The following ZNF507 variants were observed in gnomAD, a reference collection of about 807,000 sequenced individuals.
The protein encoded by ZNF507 is zinc finger protein 507.
ZNF507 carries 29 observed loss-of-function variants against 80.0 expected under a neutral mutation model. That is an observed-to-expected ratio of 0.36 (90% CI 0.27 to 0.49). The LOEUF (loss-of-function observed/expected upper bound fraction) is 0.49, where lower values mean the gene tolerates loss of function less well. Ranked by LOEUF, ZNF507 falls within the 20% of genes least tolerant of loss-of-function variation. The pLI is 0.98. For missense variants in ZNF507, 1,081 were observed against 1,152.2 expected (o/e 0.94, Z 0.90); for synonymous variants, 462 against 422.5 (o/e 1.09, Z -1.15).
At chr19:32,378,179 C>T (rs746498284) in intron 5 of ZNF507, among the ~76,000 whole-genome samples, 26 of 152,088 alleles carry the variant, frequency 1.7e-4, no homozygotes, top group Non-Finnish European at 3.1e-4. Flanking sequence ...ATGACGAAAC[C>T]CCATCTCTAC....
rs1056999609 is a variant in ZNF507 at position 32,371,763 on chromosome 19, C to T, written c.2361-10704C>T. 2.6e-5 allele frequency among the ~76,000 whole-genome samples: 4 copies of T among 151,648 alleles called. No individual in the cohort carries two copies. The East Asian group carries it at 5.9e-4, about 22-fold the overall frequency. On this transcript the variant is annotated intron_variant, in intron 5 of 6. Transcript: ENST00000355898. ...CACGCCATTCTCCTGCCTCAGCCTC[C>T]CAAGTAGCTGGGATTACAGGCGCCC...
At chr19:32,380,831 A>T (rs1325274268) in intron 5 of ZNF507, among the ~76,000 whole-genome samples, 1 of 152,146 alleles carries the variant, frequency 6.6e-6, no homozygotes, top group South Asian at 2.1e-4. Context: ...TGGGAAGCTG[A>T]GGCAAGAGGA....
chr19:32,377,679 G>A (rs1413631793), intron 5 of ZNF507, among the ~76,000 whole-genome samples: 1 of 152,184 alleles, frequency 6.6e-6, no homozygotes, highest in Non-Finnish European at 1.5e-5. Flanking sequence ...ATAGGTGGGT[G>A]AGAATAGACA....
chr19:32,377,080 T>C (rs1489708836), intron 5 of ZNF507, among the ~76,000 whole-genome samples: 2 of 151,996 alleles, frequency 1.3e-5, no homozygotes, highest in African/African-American at 2.4e-5. Context: ...CACAGGGAGA[T>C]GGTTAGGCCT....
intron 5 of ZNF507, among the ~76,000 whole-genome samples, chr19:32,377,600 G>C (rs1328264358): frequency 6.6e-6 from 1 of 152,134 alleles, no homozygotes; most frequent in African/African-American, 2.4e-5. Flanking sequence ...CGGCACCTAG[G>C]TGGCTTGCTG....
At chr19:32,349,261 C>G (rs1967132632) in intron 2 of ZNF507, among the ~76,000 whole-genome samples, 1 of 152,178 alleles carries the variant, frequency 6.6e-6, no homozygotes, top group Non-Finnish European at 1.5e-5. Context: ...AACCAGAAGG[C>G]AGAGGACAGG....
At chr19:32,368,888 C>T (rs1967433804) in intron 5 of ZNF507, among the ~76,000 whole-genome samples, 1 of 152,186 alleles carries the variant, frequency 6.6e-6, no homozygotes, top group South Asian at 2.1e-4. Flanking sequence ...AGACTCAGGT[C>T]ACCCCAAATC....
At chr19:32,381,903 C>A (rs181818096) in intron 5 of ZNF507, 1 of 152,176 alleles carries the variant, frequency 6.6e-6, no homozygotes, top group East Asian at 1.9e-4. Context: ...CAGATTTTAC[C>A]AAGTGTACTC....
intron 3 of ZNF507, 75 bp from the exon 4 acceptor site, chr19:32,356,541 C>T: frequency 2.0e-6 from 2 of 1,015,822 alleles, no homozygotes; most frequent in Non-Finnish European, 3.0e-6. Context: ...AAGCAATGAA[C>T]CTGTTCTTCT....
chr19:32,354,143 T>G lies in ZNF507; in HGVS notation c.1313T>G (p.Met438Arg), dbSNP rs1220770002. 6.2e-7 allele frequency: 1 copy of G among 1,613,152 alleles called. No homozygotes were observed. Among genetic ancestry groups the G allele is most frequent in the East Asian group, 2.2e-5 (1 of 44,864 alleles). The change falls in exon 3 of 7, where the codon ATG becomes AGG. Residue 438 changes from methionine to arginine, a missense_variant. Met to Arg is a moderately conservative substitution (Grantham distance 91, BLOSUM62 -1). Around this residue, in one of 6 missense-constraint regions of ZNF507, gnomAD observed 614 missense variants for 583.9 expected, o/e 1.05. Coordinates refer to ENST00000355898, the MANE Select transcript of ZNF507 (RefSeq NM_001136156.2). Reference protein sequence around the residue: ...LTEAQIGREGMDDVYRADKCT... With the variant: ...LTEAQIGREGRDDVYRADKCT... ...GAAGCTCAGATTGGGCGCGAAGGAATGGATGATGTTTATCGTGCTGATAAA... is the reference window on the plus strand; with the variant it reads ...GAAGCTCAGATTGGGCGCGAAGGAAGGGATGATGTTTATCGTGCTGATAAA...
intron 5 of ZNF507, among the ~76,000 whole-genome samples, chr19:32,379,839 A>G (rs536449341): frequency 2.0e-5 from 3 of 151,970 alleles, no homozygotes; most frequent in Non-Finnish European, 2.9e-5. Context: ...AAATAAACCA[A>G]TTTGTTTTCA....
chr19:32,358,321 C>A (rs1384929140), intron 4 of ZNF507: 2 of 152,214 alleles, frequency 1.3e-5, no homozygotes, highest in Admixed American at 1.3e-4. Context: ...GTTAAAACTT[C>A]TTTACCTATT....
At chr19:32,356,150 G>T (rs1246912730) in intron 3 of ZNF507, among the ~76,000 whole-genome samples, 3 of 152,212 alleles carry the variant, frequency 2.0e-5, no homozygotes. Context: ...CTGAGCTCTT[G>T]ATTCATGGGA....
intron 5 of ZNF507, among the ~76,000 whole-genome samples, chr19:32,380,225 T>C (rs762007353): frequency 1.6e-4 from 24 of 152,168 alleles, no homozygotes; most frequent in Non-Finnish European, 3.1e-4. Flanking sequence ...GTATGGTAGC[T>C]CATGCCTGTA....
At chr19:32,367,590 T>C (rs1967415785) in intron 5 of ZNF507, among the ~76,000 whole-genome samples, 1 of 152,238 alleles carries the variant, frequency 6.6e-6, no homozygotes, top group Admixed American at 6.5e-5. Context: ...ATTCTGAAAC[T>C]AGTTTTGATT....
rs1967644708 is a variant in ZNF507, at chr19:32,383,022, A to C, written c.2801A>C (p.Glu934Ala). Residue 934 changes from glutamate (E) to alanine (A), a missense_variant, in exon 7 of 7, where the codon GAG (glutamate) becomes GCG (alanine). This residue lies in a region of ZNF507 where 138 missense variants were observed against 158.4 expected (regional missense o/e 0.87). Transcript: ENST00000355898. ...ENLLDHMKEHEGEIVNIILNK... is the reference protein window; with the variant it reads ...ENLLDHMKEHAGEIVNIILNK... ...CTCTTGGATCATATGAAAGAGCACG[A>C]GGGTGAAATTGTAAACATCATCCTG... 2 of 1,614,070 alleles carry C rather than the reference A, an allele frequency of 1.2e-6. No homozygotes were observed. The highest frequency in any genetic ancestry group is 2.7e-5 in the African/African-American group (2 of 74,936).
chr19:32,354,804 G>A lies in ZNF507; in HGVS notation c.1974G>A (p.Gln658=), dbSNP rs748953376. The part of the protein sequence containing the change: ...YTSGNKGYIK[Q]HLRVHRQRQP... ...GTGGCAACAAGGGCTACATCAAGCA[G>A]CACTTACGAGTCCATCGACAGAGAC... The change falls in exon 3 of 7, where the codon CAG becomes CAA. Residue 658 remains glutamine (Q), a synonymous_variant. Transcript: ENST00000355898. 13 of 1,614,086 alleles carry A rather than the reference G, an allele frequency of 8.1e-6. 1 individual carries two copies. In the South Asian group the frequency reaches 8.8e-5, roughly 11 times the overall value.
chr19:32,380,585 T>C, intron 5 of ZNF507: 5 of 1,535,308 alleles, frequency 3.3e-6, no homozygotes, highest in Non-Finnish European at 4.4e-6. Flanking sequence ...TCGTTATTGC[T>C]GACTGTGTCT....
At chr19:32,363,662 A>G (rs545429874) in intron 5 of ZNF507, among the ~76,000 whole-genome samples, 1 of 152,334 alleles carries the variant, frequency 6.6e-6, no homozygotes, top group East Asian at 1.9e-4. Context: ...ACCAGCACAT[A>G]ATAAACAGCC....
Sources: allele counts gnomAD v4.1 joint callset (sites outside exome capture counted in the v4.1 genomes callset), GRCh38; gene constraint gnomAD v4.1.1; regional missense constraint gnomAD v4.1.1; transcripts MANE v1.5; gene names NCBI Gene and HGNC (gene_info 2026-07-23, HGNC 2026-07-21).